DLG2: variants seen among roughly 807,000 people sequenced by gnomAD.
DLG2 encodes disks large homolog 2.
DLG2 carries 45 observed loss-of-function variants against 132.5 expected under a neutral mutation model. The ratio of observed to expected loss-of-function variants is 0.34; its 90% CI spans 0.27 to 0.44. The LOEUF is 0.44. DLG2 is among the 20% of genes least tolerant of loss of function. DLG2 has a pLI of 1.00. For missense variants in DLG2, 1,045 were observed against 1,196.9 expected (o/e 0.87, Z 1.87); for synonymous variants, 424 against 419.6 (o/e 1.01, Z -0.13).
At chr11:84,935,312 C>G (rs982066260) in intron 6 of DLG2, among the ~76,000 whole-genome samples, 1 of 152,184 alleles carries the variant, frequency 6.6e-6, no homozygotes, top group East Asian at 1.9e-4. Context: ...CTTTTCTAGA[C>G]ATAAATATGA....
chr11:84,344,003 T>C (rs1468864471), intron 7 of DLG2, among the ~76,000 whole-genome samples: 4 of 152,204 alleles, frequency 2.6e-5, no homozygotes, highest in African/African-American at 9.7e-5. Flanking sequence ...TTGAGTGATG[T>C]GCCCAGATTC....
chr11:83,969,424 A>G (rs2090904067), intron 12 of DLG2, among the ~76,000 whole-genome samples: 1 of 152,194 alleles, frequency 6.6e-6, no homozygotes, highest in Admixed American at 6.5e-5. Context: ...ATCCTAATAC[A>G]CTGACCAGTC....
intron 19 of DLG2, among the ~76,000 whole-genome samples, chr11:83,558,501 T>G (rs2096557185): frequency 6.6e-6 from 1 of 152,284 alleles, no homozygotes; most frequent in South Asian, 2.1e-4. Flanking sequence ...ATGCCTGCTA[T>G]TGGTTAACCG....
At chr11:85,014,438 A>G (rs2059401899) in intron 6 of DLG2, among the ~76,000 whole-genome samples, 1 of 152,196 alleles carries the variant, frequency 6.6e-6, no homozygotes, top group Non-Finnish European at 1.5e-5. Flanking sequence ...AAACTATACC[A>G]GTGCACTAAA....
intron 3 of DLG2, among the ~76,000 whole-genome samples, chr11:85,511,132 G>A (rs61907147): frequency 2.6e-5 from 4 of 151,822 alleles, no homozygotes; most frequent in African/African-American, 4.8e-5. Context: ...ACAAAAAACC[G>A]AACACCGCAT....
chr11:85,391,405 T>C lies in DLG2; in HGVS notation c.41-106040A>G, dbSNP rs962616572. Among the ~76,000 whole-genome samples the C allele has an allele frequency of 7.9e-5, 12 of 151,998 alleles. 1 individual carries two copies. Among genetic ancestry groups the C allele is most frequent in the African/African-American group, 2.4e-4 (10 of 41,402 alleles). On this transcript the variant is annotated intron_variant, in intron 3 of 27. Transcript: ENST00000376104. ...ATCCCATTGGTACTATTCCAAAAGA[T>C]AAAGAAGGAGGGAATCCTCTCTAAA...
intron 3 of DLG2, among the ~76,000 whole-genome samples, chr11:85,330,656 T>G (rs1319299530): frequency 1.0e-5 from 1 of 97,860 alleles, no homozygotes; most frequent in Non-Finnish European, 2.0e-5. Flanking sequence ...AGGGATAGCA[T>G]TGGGAGATAT....
chr11:84,337,590 T>C (rs1401444347), intron 7 of DLG2, among the ~76,000 whole-genome samples: 1 of 152,192 alleles, frequency 6.6e-6, no homozygotes, highest in Non-Finnish European at 1.5e-5. Flanking sequence ...TTTCACATAA[T>C]AAATACTCTT....
At chr11:84,759,570 A>G (rs2067322844) in intron 6 of DLG2, among the ~76,000 whole-genome samples, 1 of 152,220 alleles carries the variant, frequency 6.6e-6, no homozygotes, top group Admixed American at 6.5e-5. Flanking sequence ...AACTCAGTCA[A>G]CTGATTCCAA....
At chr11:84,506,918 G>A (rs1185938735) in intron 7 of DLG2, among the ~76,000 whole-genome samples, 1 of 152,154 alleles carries the variant, frequency 6.6e-6, no homozygotes, top group African/African-American at 2.4e-5. Flanking sequence ...CAACCATGGG[G>A]CAACCATGGC....
intron 5 of DLG2, among the ~76,000 whole-genome samples, chr11:85,144,652 A>T (rs1212230892): frequency 6.6e-6 from 1 of 151,920 alleles, no homozygotes; most frequent in Non-Finnish European, 1.5e-5. Context: ...ATAATTTTAA[A>T]CTAATGACAA....
chr11:85,047,861 A>G (rs907597163), intron 6 of DLG2, among the ~76,000 whole-genome samples: 10 of 151,940 alleles, frequency 6.6e-5, no homozygotes, highest in Non-Finnish European at 1.5e-4. Context: ...TCAAATAGAC[A>G]TTTCTTCTCT....
intron 6 of DLG2, among the ~76,000 whole-genome samples, chr11:84,769,191 A>T (rs1003099955): frequency 2.6e-5 from 4 of 152,156 alleles, no homozygotes; most frequent in Admixed American, 6.5e-5. Context: ...ATGTATTTCA[A>T]GGAAGCTAAC....
intron 8 of DLG2, among the ~76,000 whole-genome samples, chr11:84,197,995 A>C (rs185449080): frequency 3.1e-3 from 470 of 152,272 alleles, no homozygotes; most frequent in Non-Finnish European, 5.5e-3. Context: ...TAAATATGTA[A>C]TATTAAGATA....
chr11:84,844,127 GTGTGTGTGTATATATATATATATATA>G (rs1400017382), intron 6 of DLG2, among the ~76,000 whole-genome samples: 6 of 25,964 alleles, frequency 2.3e-4, no homozygotes, highest in African/African-American at 4.8e-4. Context: ...GTGTGTGTGT[GTGTGTGTGTATATATATATATATATA>G]TATATATATA....
chr11:84,622,990 A>G (rs1327460285), intron 6 of DLG2, among the ~76,000 whole-genome samples: 2 of 152,140 alleles, frequency 1.3e-5, no homozygotes, highest in Admixed American at 6.5e-5. Flanking sequence ...TTAGTTTCAT[A>G]GCCTCCAATC....
chr11:85,564,915 T>C (rs1338416207), intron 3 of DLG2, among the ~76,000 whole-genome samples: 1 of 152,110 alleles, frequency 6.6e-6, no homozygotes, highest in East Asian at 1.9e-4. Context: ...ATTTAATTTC[T>C]GATAGCAAAG....
chr11:83,593,990 G>C (rs568358665), intron 19 of DLG2, among the ~76,000 whole-genome samples: 1 of 152,208 alleles, frequency 6.6e-6, no homozygotes, highest in African/African-American at 2.4e-5. Context: ...CTAGGTAAGT[G>C]TAATAGCAAA....
At chr11:85,082,412 T>A (rs1400526829) in intron 6 of DLG2, among the ~76,000 whole-genome samples, 1 of 152,008 alleles carries the variant, frequency 6.6e-6, no homozygotes, top group Non-Finnish European at 1.5e-5. Flanking sequence ...TAAAAGGTGA[T>A]CTCTGGTGCC....
Sources: gnomAD v4.1 joint callset for allele counts (sites outside exome capture counted in the v4.1 genomes callset) on GRCh38, gnomAD v4.1.1 for gene constraint, MANE v1.5 for transcripts, NCBI Gene and HGNC (gene_info 2026-07-23, HGNC 2026-07-21) for gene names.